RAB6B: variants seen among roughly 807,000 people sequenced by gnomAD.
The protein encoded by RAB6B is RAB6B, member RAS oncogene family.
A neutral mutation model predicts 31.2 loss-of-function variants in RAB6B; 7 were observed. That is an observed-to-expected ratio of 0.22 (90% CI 0.13 to 0.42). The LOEUF is 0.42. RAB6B is among the 10% of genes least tolerant of loss of function. RAB6B has a pLI of 1.00. For missense variants in RAB6B, 149 were observed against 280.6 expected (o/e 0.53, Z 3.35); for synonymous variants, 105 against 104.9 (o/e 1.00, Z -0.01).
intron 1 of RAB6B, among the ~76,000 whole-genome samples, chr3:133,873,658 A>C (rs570368479): frequency 7.6e-4 from 115 of 152,286 alleles, no homozygotes; most frequent in African/African-American, 2.7e-3. Flanking sequence ...ACAATCAATA[A>C]ACAAAAAAAT....
At chr3:133,893,333 G>A (rs147130111) in intron 1 of RAB6B, among the ~76,000 whole-genome samples, 1 of 152,276 alleles carries the variant, frequency 6.6e-6, no homozygotes, top group African/African-American at 2.4e-5. Flanking sequence ...AACTCACAAT[G>A]GGACTCTGGG....
At position 133,828,244 on chromosome 3, in the gene RAB6B, G is replaced by A; in HGVS notation, c.*544C>T. ...TCAGAGGCTGATGTGTTCAACCAATGTTTGATTTAACTGGAGTAGGGCCTA... is the reference window on the plus strand; with the variant it reads ...TCAGAGGCTGATGTGTTCAACCAATATTTGATTTAACTGGAGTAGGGCCTA... On this transcript the variant is annotated 3_prime_UTR_variant, in exon 8 of 8. Coordinates refer to ENST00000285208, the MANE Select transcript of RAB6B (RefSeq NM_016577.4). 2.0e-6 allele frequency: 1 copy of A among 508,644 alleles called. No homozygotes were observed. Among genetic ancestry groups the A allele is most frequent in the East Asian group, 3.5e-5 (1 of 28,756 alleles). 31.5% of individuals were successfully genotyped at this position (508,644 alleles called of 1,614,324 possible).
intron 1 of RAB6B, among the ~76,000 whole-genome samples, chr3:133,878,321 A>C (rs1936423963): frequency 6.6e-6 from 1 of 152,220 alleles, no homozygotes; most frequent in African/African-American, 2.4e-5. Flanking sequence ...AGAGAAACAA[A>C]CATAAAAAGG....
At position 133,827,867 on chromosome 3, in the gene RAB6B, A is replaced by G; in HGVS notation, c.*921T>C. 1.4e-6 allele frequency: 1 copy of G among 697,928 alleles called. No homozygotes were observed. Among genetic ancestry groups the G allele is most frequent in the South Asian group, 1.5e-5 (1 of 67,484 alleles). 43.2% of individuals were successfully genotyped at this position (697,928 alleles called of 1,614,324 possible). A position where few individuals can be genotyped will look rare whatever the true frequency, so the allele number is the denominator to read the frequency against. On this transcript the variant is annotated 3_prime_UTR_variant, in exon 8 of 8. Transcript: ENST00000285208. ...CCCAACATCACACACTGAGTTTCTT[A>G]GACTTGGCCCAGGCATGTGTACTGA...
At position 133,825,728 on chromosome 3, in the gene RAB6B, A is replaced by G. The variant is rs1222843678; in HGVS notation, c.*3060T>C. The G allele has an allele frequency of 6.6e-6, 1 of 152,194 alleles. No homozygotes were observed. The highest frequency in any genetic ancestry group is 2.4e-5 in the African/African-American group (1 of 41,454). The allele number at this position is 152,194 out of a possible 1,614,324, so 9.4% of individuals were successfully genotyped here. A position where few individuals can be genotyped will look rare whatever the true frequency, so the allele number is the denominator to read the frequency against. Reference sequence around the variant, plus strand: ...CCTGCAGAACAGGAGCTTTGTTGATAAGCTTTTAAGATTCACCCCCTTCAC... The same window carrying G: ...CCTGCAGAACAGGAGCTTTGTTGATGAGCTTTTAAGATTCACCCCCTTCAC... On this transcript the variant is annotated 3_prime_UTR_variant, in exon 8 of 8. Transcript: ENST00000285208.
intron 1 of RAB6B, among the ~76,000 whole-genome samples, chr3:133,871,000 C>T (rs973462626): frequency 6.6e-6 from 1 of 152,248 alleles, no homozygotes; most frequent in African/African-American, 2.4e-5. Flanking sequence ...TTCACTCCAC[C>T]AGTGCCCCAT....
chr3:133,886,086 C>A (rs573617984), intron 1 of RAB6B, among the ~76,000 whole-genome samples: 1 of 152,156 alleles, frequency 6.6e-6, no homozygotes, highest in African/African-American at 2.4e-5. Flanking sequence ...CCTTCTCCCC[C>A]ACTATTTCTC....
intron 1 of RAB6B, 137 bp downstream of exon 1, chr3:133,895,260 T>A: frequency 1.6e-4 from 71 of 457,040 alleles, no homozygotes; most frequent in East Asian, 2.6e-4. Flanking sequence ...CGCCCCGACC[T>A]CCCCATCCCT....
At chr3:133,845,391 C>T (rs1935895383) in intron 2 of RAB6B, among the ~76,000 whole-genome samples, 1 of 152,344 alleles carries the variant, frequency 6.6e-6, no homozygotes, top group East Asian at 1.9e-4. Context: ...CAGTGTTCGT[C>T]CCTTCCACCA....
chr3:133,875,191 T>C (rs1936374994), intron 1 of RAB6B, among the ~76,000 whole-genome samples: 1 of 152,260 alleles, frequency 6.6e-6, no homozygotes, highest in African/African-American at 2.4e-5. Flanking sequence ...AACATTGCTA[T>C]GCAGCACATG....
In RAB6B at chr3:133,828,280, C is replaced by G; in HGVS notation, c.*508G>C. On this transcript the variant is annotated 3_prime_UTR_variant, in exon 8 of 8. Coordinates refer to ENST00000285208, the MANE Select transcript of RAB6B (RefSeq NM_016577.4). ...CTGGAGTAGGGCCTAGAGAGTGGGG[C>G]CAGATGGCCCCAGACTGAAGCCTAA... 1 of 441,152 alleles carries G rather than the reference C, an allele frequency of 2.3e-6. No individual in the cohort carries two copies. The highest frequency in any genetic ancestry group is 4.0e-6 in the Non-Finnish European group (1 of 246,938). 27.3% of individuals were successfully genotyped at this position (441,152 alleles called of 1,614,324 possible). A position where few individuals can be genotyped will look rare whatever the true frequency, so the allele number is the denominator to read the frequency against.
At position 133,841,270 on chromosome 3, in the gene RAB6B, C is replaced by T; in HGVS notation, c.289+15G>A. 6.2e-7 allele frequency: 1 copy of T among 1,613,710 alleles called. No homozygotes were observed. On this transcript the variant is annotated intron_variant, in intron 4 of 7. Transcript: ENST00000285208. ...CCTATGAGCCACCCTCCCTTAGGAG[C>T]AGAGCCTCACTCACTTGTGATGTCG...
chr3:133,860,452 C>T lies in RAB6B; in HGVS notation c.129+4132G>A, dbSNP rs546685363. The stretch of plus-strand genomic sequence containing the variant: ...CCCAGAGCCTTCTGAGAACAAGGCC[C>T]TCCATGCCTTGATTTTGGACTTCAA... On this transcript the variant is annotated intron_variant, in intron 2 of 7. Transcript: ENST00000285208. 9.2e-5 allele frequency among the ~76,000 whole-genome samples: 14 copies of T among 152,268 alleles called. No homozygotes were observed. In the East Asian group the frequency reaches 2.5e-3, roughly 27 times the overall value.
At chr3:133,892,012 T>C (rs957047709) in intron 1 of RAB6B, among the ~76,000 whole-genome samples, 2 of 152,130 alleles carry the variant, frequency 1.3e-5, no homozygotes, top group African/African-American at 4.8e-5. Flanking sequence ...CCACACACAC[T>C]GAGATGTGCC....
intron 2 of RAB6B, among the ~76,000 whole-genome samples, chr3:133,854,309 C>T (rs1936043049): frequency 6.6e-6 from 1 of 152,214 alleles, no homozygotes; most frequent in Admixed American, 6.5e-5. Flanking sequence ...TTTCTCTGAA[C>T]TTCATTTTCT....
At chr3:133,891,156 C>T (rs945837948) in intron 1 of RAB6B, among the ~76,000 whole-genome samples, 3 of 152,038 alleles carry the variant, frequency 2.0e-5, no homozygotes, top group African/African-American at 7.2e-5. Context: ...GGTCAGGCTG[C>T]GGGCAGAGGA....
chr3:133,875,354 T>C (rs1034664244), intron 1 of RAB6B, among the ~76,000 whole-genome samples: 1 of 152,140 alleles, frequency 6.6e-6, no homozygotes, highest in Non-Finnish European at 1.5e-5. Context: ...CTCACTTATA[T>C]GTGGAAACTA....
At chr3:133,886,035 T>C (rs1576411128) in intron 1 of RAB6B, among the ~76,000 whole-genome samples, 2 of 151,620 alleles carry the variant, frequency 1.3e-5, no homozygotes, top group East Asian at 3.9e-4. Flanking sequence ...TGCAGGGAGG[T>C]CCTCCAGGGC....
At chr3:133,839,416 C>A in intron 5 of RAB6B, 90 bp downstream of exon 5, 1 of 1,143,942 alleles carries the variant, frequency 8.7e-7, no homozygotes, top group South Asian at 1.3e-5. Context: ...AGCACAGACA[C>A]ACCACCCATG....
Sources: allele counts gnomAD v4.1 joint callset (sites outside exome capture counted in the v4.1 genomes callset), GRCh38; gene constraint gnomAD v4.1.1; transcripts MANE v1.5; gene names NCBI Gene and HGNC (gene_info 2026-07-23, HGNC 2026-07-21).